ZFAND3: variants seen among roughly 807,000 people sequenced by gnomAD.
The protein encoded by ZFAND3 is zinc finger AN1-type containing 3.
Under a neutral mutation model 29.6 loss-of-function variants are expected in ZFAND3, and 10 were observed. That is an observed-to-expected ratio of 0.34 (90% CI 0.21 to 0.57). The LOEUF is 0.57. Ranked by LOEUF, ZFAND3 falls within the 20% of genes least tolerant of loss-of-function variation. The probability of loss-of-function intolerance (pLI) is 0.86; values close to 1 mark genes in which losing one functional copy is unlikely to be tolerated. For synonymous variants in ZFAND3, 128 were observed against 112.6 expected (o/e 1.14, Z -0.87); for missense variants, 230 against 304.5 (o/e 0.76, Z 1.82).
At chr6:37,866,790 ATGTC>A (rs1481450184) in intron 1 of ZFAND3, among the ~76,000 whole-genome samples, 1 of 152,206 alleles carries the variant, frequency 6.6e-6, no homozygotes, top group African/African-American at 2.4e-5. Context: ...ATCACTGTAA[ATGTC>A]AGTGAGAGAT....
At chr6:37,963,259 G>A (rs1762231026) in intron 2 of ZFAND3, among the ~76,000 whole-genome samples, 1 of 152,162 alleles carries the variant, frequency 6.6e-6, no homozygotes, top group Admixed American at 6.5e-5. Flanking sequence ...TAATAATGAA[G>A]CTCCAAAGGT....
rs547521356 is a variant in ZFAND3, at chr6:38,008,406, A to G, written c.113-53187A>G. ...CAGGTAAACTCACAAATAGAGGAAC[A>G]TTTTTTTAAGCAGGAAAATATGTAA... On this transcript the variant is annotated intron_variant, in intron 2 of 5. Transcript: ENST00000287218. Among the ~76,000 whole-genome samples the G allele has an allele frequency of 1.6e-4, 25 of 152,274 alleles. No homozygotes were observed. The South Asian group carries it at 2.5e-3, about 15-fold the overall frequency.
At chr6:38,126,824 CATTTTAT>C (rs1765644078) in intron 5 of ZFAND3, among the ~76,000 whole-genome samples, 1 of 151,926 alleles carries the variant, frequency 6.6e-6, no homozygotes, top group Admixed American at 6.6e-5. Context: ...TTCTCAGCCA[CATTTTAT>C]ATTTTCAATG....
At chr6:37,921,238 A>G (rs1761372008) in intron 1 of ZFAND3, among the ~76,000 whole-genome samples, 1 of 152,176 alleles carries the variant, frequency 6.6e-6, no homozygotes, top group South Asian at 2.1e-4. Flanking sequence ...CAGTTTTTAC[A>G]GATTGACTCC....
At chr6:37,959,915 A>G (rs1167152030) in intron 2 of ZFAND3, among the ~76,000 whole-genome samples, 3 of 152,344 alleles carry the variant, frequency 2.0e-5, no homozygotes, top group African/African-American at 7.2e-5. Flanking sequence ...TATTTGTTCA[A>G]AAGATTTTCT....
chr6:38,025,002 A>G (rs374288108), intron 2 of ZFAND3, among the ~76,000 whole-genome samples: 8 of 152,116 alleles, frequency 5.3e-5, no homozygotes, highest in African/African-American at 1.7e-4. Flanking sequence ...ATTGTTCATT[A>G]TTTCTCCTTT....
At chr6:37,922,981 C>G (rs991383603) in intron 1 of ZFAND3, among the ~76,000 whole-genome samples, 1 of 152,146 alleles carries the variant, frequency 6.6e-6, no homozygotes, top group Non-Finnish European at 1.5e-5. Flanking sequence ...TTAGCTTTAG[C>G]TTACTATAGC....
chr6:37,846,800 C>T (rs914892772), intron 1 of ZFAND3, among the ~76,000 whole-genome samples: 7 of 151,916 alleles, frequency 4.6e-5, no homozygotes, highest in South Asian at 2.1e-4. Context: ...CAACCTCCGC[C>T]GCCCAGGTTC....
At chr6:38,056,454 G>T (rs1280009581) in intron 2 of ZFAND3, among the ~76,000 whole-genome samples, 1 of 152,160 alleles carries the variant, frequency 6.6e-6, no homozygotes, top group Non-Finnish European at 1.5e-5. Flanking sequence ...TGGGATTGGG[G>T]GTCTAAGCAT....
intron 2 of ZFAND3, among the ~76,000 whole-genome samples, chr6:38,013,738 C>CT: frequency 6.9e-6 from 1 of 144,938 alleles, no homozygotes; most frequent in Non-Finnish European, 1.5e-5. Flanking sequence ...AAAAAAAAAA[C>CT]AAAAAAAACC....
chr6:37,919,110 C>G (rs1392768725), intron 1 of ZFAND3, among the ~76,000 whole-genome samples: 1 of 152,008 alleles, frequency 6.6e-6, no homozygotes, highest in South Asian at 2.1e-4. Flanking sequence ...TGCGCTACCA[C>G]GCCCAGCTAA....
chr6:38,153,195 T>C lies in ZFAND3; in HGVS notation c.*806T>C, dbSNP rs1196662751. Reference sequence around the variant, plus strand: ...GCAGGGATCTGGCACGGACCAGATGTGGCGAATGGCAGCACAGCGCGGTGG... The same window carrying C: ...GCAGGGATCTGGCACGGACCAGATGCGGCGAATGGCAGCACAGCGCGGTGG... On this transcript the variant is annotated 3_prime_UTR_variant, in exon 6 of 6. Coordinates refer to ENST00000287218, the MANE Select transcript of ZFAND3 (RefSeq NM_021943.3). 4.1e-6 allele frequency: 4 copies of C among 985,366 alleles called. No homozygotes were observed. In the East Asian group the frequency reaches 4.5e-4, roughly 112 times the overall value. 61.0% of individuals were successfully genotyped at this position (985,366 alleles called of 1,614,324 possible).
At chr6:37,914,172 T>G (rs1044778823) in intron 1 of ZFAND3, among the ~76,000 whole-genome samples, 4 of 152,190 alleles carry the variant, frequency 2.6e-5, no homozygotes, top group African/African-American at 9.6e-5. Flanking sequence ...AACTCTTGGG[T>G]GACCAGGTGT....
intron 1 of ZFAND3, among the ~76,000 whole-genome samples, chr6:37,834,009 A>G (rs973954057): frequency 3.3e-5 from 5 of 151,970 alleles, no homozygotes; most frequent in African/African-American, 1.2e-4. Flanking sequence ...ACCTACAGTG[A>G]CACATCATTA....
At chr6:38,052,970 G>T (rs1323744153) in intron 2 of ZFAND3, among the ~76,000 whole-genome samples, 8 of 151,414 alleles carry the variant, frequency 5.3e-5, no homozygotes, top group Non-Finnish European at 8.8e-5. Context: ...GGAGGCGGAG[G>T]TTGCAGTAAG....
chr6:38,089,388 A>C (rs2127473392), intron 4 of ZFAND3, among the ~76,000 whole-genome samples: 1 of 152,228 alleles, frequency 6.6e-6, no homozygotes. Flanking sequence ...TCGGCCTCCC[A>C]AAGTGCTGGG....
At chr6:37,872,871 A>C (rs1167783609) in intron 1 of ZFAND3, among the ~76,000 whole-genome samples, 1 of 152,256 alleles carries the variant, frequency 6.6e-6, no homozygotes. Flanking sequence ...ATGTGTATGC[A>C]TTTCTGCAAC....
intron 4 of ZFAND3, among the ~76,000 whole-genome samples, chr6:38,102,436 G>A (rs1765113899): frequency 6.6e-6 from 1 of 152,144 alleles, no homozygotes; most frequent in Non-Finnish European, 1.5e-5. Context: ...CCTACACTCA[G>A]TGTTTCTCCA....
At chr6:37,821,052 C>A (rs1174429191) in intron 1 of ZFAND3, among the ~76,000 whole-genome samples, 1 of 152,130 alleles carries the variant, frequency 6.6e-6, no homozygotes, top group Non-Finnish European at 1.5e-5. Flanking sequence ...TGAGAGATTC[C>A]GTATATTTGG....
Sources: allele counts gnomAD v4.1 joint callset (sites outside exome capture counted in the v4.1 genomes callset), GRCh38; gene constraint gnomAD v4.1.1; transcripts MANE v1.5; gene names NCBI Gene and HGNC (gene_info 2026-07-23, HGNC 2026-07-21).